The following PDE4DIP variants were observed in gnomAD, a reference collection of about 807,000 sequenced individuals.
PDE4DIP encodes the protein phosphodiesterase 4D interacting protein.
PDE4DIP carries 59 observed loss-of-function variants against 221.4 expected under a neutral mutation model. That is an observed-to-expected ratio of 0.27 (90% confidence interval 0.22 to 0.33). The LOEUF is 0.33. Ranked by LOEUF, PDE4DIP falls within the 10% of genes least tolerant of loss-of-function variation. PDE4DIP has a pLI of 1.00. For synonymous variants in PDE4DIP, 404 were observed against 815.9 expected, an observed-to-expected ratio of 0.50 and a Z score of 8.60; for missense variants, 1,036 against 2,154.2, an observed-to-expected ratio of 0.48 and a Z score of 10.28.
At chr1:148,954,052 C>G in intron 5 of PDE4DIP, 1 of 646,304 alleles carries the variant, frequency 1.5e-6, no homozygotes, top group East Asian at 2.8e-5. Context: ...TTTGCTCTGT[C>G]TCATTTAGTA....
rs587748851 is a variant in PDE4DIP at position 148,922,707 on chromosome 1, C to T, written c.142-6490C>T. ...GGTTCACACCGTTCTCCTGCCTCAG[C>T]CTCCGGAGTAGCTGGGACTACAGGT... On this transcript the variant is annotated intron_variant, in intron 1 of 43. Transcript: ENST00000369354. Among the ~76,000 whole-genome samples the T allele has an allele frequency of 1.7e-4, 26 of 149,614 alleles. No homozygotes were observed. The East Asian group carries it at 5.1e-3, about 29-fold the overall frequency.
chr1:148,951,480 TG>T (rs1397097546), intron 5 of PDE4DIP, among the ~76,000 whole-genome samples: 2 of 152,216 alleles, frequency 1.3e-5, no homozygotes, highest in Non-Finnish European at 2.9e-5. Context: ...CCGAAGTCAG[TG>T]AAGTTCCCAG....
intron 1 of PDE4DIP, among the ~76,000 whole-genome samples, chr1:148,927,294 G>C (rs1395239652): frequency 1.3e-5 from 2 of 151,884 alleles, no homozygotes; most frequent in African/African-American, 4.8e-5. Flanking sequence ...TCTAACCTTG[G>C]TCAAAAGGTA....
rs376356187 is a variant in PDE4DIP, at chr1:148,976,440, G to A, written c.2320-1497G>A. 6.6e-5 allele frequency among the ~76,000 whole-genome samples: 10 copies of A among 152,270 alleles called. No homozygotes were observed. The East Asian group carries it at 1.7e-3, about 26-fold the overall frequency. Reference sequence around the variant, plus strand: ...CTCTCAGACTCAAATCACCTTGTCTGTAAGTTGAAGAGTAGAAGAAGTCAC... The same window carrying A: ...CTCTCAGACTCAAATCACCTTGTCTATAAGTTGAAGAGTAGAAGAAGTCAC... On this transcript the variant is annotated intron_variant, in intron 17 of 43. Coordinates refer to ENST00000369354, the Ensembl canonical transcript of PDE4DIP.
At chr1:149,013,954 A>T (rs760044355) in intron 32 of PDE4DIP, among the ~76,000 whole-genome samples, 30 of 151,518 alleles carry the variant, frequency 2.0e-4, no homozygotes, top group Non-Finnish European at 3.7e-4. Flanking sequence ...CACCTGGCTA[A>T]TTTTTGTATT....
intron 22 of PDE4DIP, 26 bp from the exon 26 acceptor site, chr1:148,998,117 T>C (rs1300759384): frequency 7.0e-6 from 6 of 861,344 alleles, no homozygotes; most frequent in Non-Finnish European, 1.1e-5. Context: ...ATGGCCTAAC[T>C]TCTTCAAACC....
At chr1:148,898,844 T>A (rs1553444813) in intron 1 of PDE4DIP, among the ~76,000 whole-genome samples, 1 of 111,100 alleles carries the variant, frequency 9.0e-6, no homozygotes, top group Admixed American at 9.3e-5. Context: ...CTTTTTTTTT[T>A]ACTTTGAGAC....
At chr1:148,958,299 C>T (rs1434886929) in intron 5 of PDE4DIP, among the ~76,000 whole-genome samples, 1 of 151,468 alleles carries the variant, frequency 6.6e-6, no homozygotes, top group African/African-American at 2.4e-5. Flanking sequence ...TATTGTCTTT[C>T]ACCTGCACTA....
At chr1:148,979,751 A>G (rs1553540572) in exon 20 of PDE4DIP, 4 of 1,613,132 alleles carry the variant, frequency 2.5e-6, no homozygotes, top group South Asian at 1.1e-5. Context: ...TGCTGATGCT[A>G]GAAGGACTAG....
rs782766673 is a variant in PDE4DIP at position 148,978,411 on chromosome 1, A to G, written c.2570A>G (p.Gln857Arg). The G allele has an allele frequency of 3.8e-6, 6 of 1,594,936 alleles. No individual in the cohort carries two copies. In the South Asian group the frequency reaches 4.5e-5, roughly 12 times the overall value. The stretch of plus-strand genomic sequence containing the variant: ...CAAGAAATTTCAGGAAACCGAAGAC[A>G]ACAGGTAAGTTACTGGAATATAAAC... Residue 857 changes from glutamine to arginine, a missense_variant, in exon 19 of 44, where the codon CAA becomes CGA. Coordinates refer to ENST00000369354, the Ensembl canonical transcript of PDE4DIP.
At chr1:148,972,385 T>C (rs782362108) in intron 15 of PDE4DIP, 41 bp downstream of exon 18, 2 of 579,544 alleles carry the variant, frequency 3.5e-6, no homozygotes, top group South Asian at 4.2e-5. Context: ...TGATTCCATT[T>C]CCTTTTTACA....
At chr1:148,961,791 A>G (rs1553510332) in intron 6 of PDE4DIP, 46 bp from the exon 10 acceptor site, 10 of 798,016 alleles carry the variant, frequency 1.3e-5, no homozygotes, top group Non-Finnish European at 2.2e-5. Flanking sequence ...TTTGAGGCTA[A>G]AAGACATCAT....
rs1325056540 is a variant in PDE4DIP at position 148,990,153 on chromosome 1, C to T, written c.2816-1732C>T. 16 of 899,268 alleles carry T rather than the reference C, an allele frequency of 1.8e-5. 1 individual carries two copies. Among genetic ancestry groups the T allele is most frequent in the Middle Eastern group, 1.1e-3 (2 of 1,772 alleles). The allele number at this position is 899,268 out of a possible 1,614,324, so 55.7% of individuals were successfully genotyped here. On this transcript the variant is annotated intron_variant, in intron 21 of 43. Coordinates refer to ENST00000369354, the Ensembl canonical transcript of PDE4DIP. ...CCTCTTAGCACTTCCATGAGATCAG[C>T]CTGGGCCATTGCAAATATATAGATG...
At chr1:148,984,062 C>G (rs587767431) in intron 21 of PDE4DIP, 76 of 152,134 alleles carry the variant, frequency 5.0e-4, no homozygotes, top group African/African-American at 1.8e-3. Flanking sequence ...GATATTGTCC[C>G]TAAACTCTTT....
chr1:148,969,897 G>C (rs1200214700), intron 14 of PDE4DIP, among the ~76,000 whole-genome samples: 1 of 151,846 alleles, frequency 6.6e-6, no homozygotes, highest in Non-Finnish European at 1.5e-5. Flanking sequence ...GTAGAGATGG[G>C]GTTTCACCAT....
At chr1:148,979,944 T>A in intron 20 of PDE4DIP, 95 bp downstream of exon 23, 1 of 1,455,444 alleles carries the variant, frequency 6.9e-7, no homozygotes, top group Non-Finnish European at 9.4e-7. Flanking sequence ...TAAGTGCAGA[T>A]GCTTATGATA....
At chr1:148,876,929 G>A (rs1158935956) in intron 3 of PDE4DIP, among the ~76,000 whole-genome samples, 8 of 138,354 alleles carry the variant, frequency 5.8e-5, no homozygotes, top group South Asian at 2.3e-4. Context: ...CAGGAGAATC[G>A]CTTGAACCCA....
intron 38 of PDE4DIP, among the ~76,000 whole-genome samples, chr1:149,025,403 C>G (rs1262066875): frequency 6.6e-6 from 1 of 151,896 alleles, no homozygotes; most frequent in Non-Finnish European, 1.5e-5. Flanking sequence ...CTGGGGAAGT[C>G]CTGGATGGTG....
At chr1:148,881,585 T>TG (rs1306352193) in intron 3 of PDE4DIP, among the ~76,000 whole-genome samples, 1 of 149,990 alleles carries the variant, frequency 6.7e-6, no homozygotes, top group Non-Finnish European at 1.5e-5. Context: ...TTTTTTTTTT[T>TG]TTTTTTTACA....
Sources: gnomAD v4.1 joint callset for allele counts (sites outside exome capture counted in the v4.1 genomes callset) on GRCh38, gnomAD v4.1.1 for gene constraint, MANE v1.5 for transcripts, NCBI Gene and HGNC (gene_info 2026-07-23, HGNC 2026-07-21) for gene names.